GRIN2B: variants seen among roughly 807,000 people sequenced by gnomAD.
The protein encoded by GRIN2B is glutamate ionotropic receptor NMDA type subunit 2B.
A neutral mutation model predicts 114.5 loss-of-function variants in GRIN2B; 5 were observed. The ratio of observed to expected loss-of-function variants is 0.04; its 90% CI spans 0.02 to 0.09. GRIN2B has a LOEUF of 0.09. Among genes scored for constraint, GRIN2B ranks in the 10% least tolerant of loss-of-function variants. The pLI is 1.00. For missense variants in GRIN2B, 1,108 were observed against 1,943.5 expected (o/e 0.57, Z 8.08); for synonymous variants, 787 against 745.1 (o/e 1.06, Z -0.92).
chr12:13,710,178 T>C (rs1191736896), intron 4 of GRIN2B, among the ~76,000 whole-genome samples: 1 of 151,990 alleles, frequency 6.6e-6, no homozygotes, highest in Non-Finnish European at 1.5e-5. Flanking sequence ...CAGTAAGATA[T>C]ATTTTATGAC....
At chr12:13,597,593 A>T (rs1420341660) in intron 10 of GRIN2B, among the ~76,000 whole-genome samples, 2 of 152,212 alleles carry the variant, frequency 1.3e-5, no homozygotes, top group African/African-American at 2.4e-5. Flanking sequence ...AGCCAATAGG[A>T]ACCTCAAATG....
At chr12:13,768,751 G>T (rs1863848382) in intron 3 of GRIN2B, among the ~76,000 whole-genome samples, 1 of 152,172 alleles carries the variant, frequency 6.6e-6, no homozygotes, top group African/African-American at 2.4e-5. Flanking sequence ...AAAATAAGCA[G>T]GTGGCCGGCA....
intron 3 of GRIN2B, among the ~76,000 whole-genome samples, chr12:13,818,590 T>C (rs148136358): frequency 6.6e-6 from 1 of 152,368 alleles, no homozygotes; most frequent in African/African-American, 2.4e-5. Context: ...AATCTATTTA[T>C]TATACCTGTT....
At chr12:13,716,760 T>C (rs964114497) in intron 4 of GRIN2B, among the ~76,000 whole-genome samples, 3 of 151,972 alleles carry the variant, frequency 2.0e-5, no homozygotes, top group Non-Finnish European at 4.4e-5. Flanking sequence ...CATTTCGCAC[T>C]GCCAAATGTT....
chr12:13,763,134 T>C (rs954756002), intron 3 of GRIN2B, among the ~76,000 whole-genome samples: 61 of 151,652 alleles, frequency 4.0e-4, no homozygotes, highest in African/African-American at 1.3e-3. Flanking sequence ...AAAAAAAAAA[T>C]CTTCCAACAA....
intron 2 of GRIN2B, among the ~76,000 whole-genome samples, chr12:13,916,217 TAAC>T (rs1345999390): frequency 6.6e-6 from 1 of 152,188 alleles, no homozygotes; most frequent in Non-Finnish European, 1.5e-5. Flanking sequence ...ATACCTTACT[TAAC>T]AATATTTTTT....
intron 3 of GRIN2B, among the ~76,000 whole-genome samples, chr12:13,784,101 G>A (rs1864175178): frequency 6.6e-6 from 1 of 151,768 alleles, no homozygotes; most frequent in Non-Finnish European, 1.5e-5. Flanking sequence ...GCAGGCACCT[G>A]TAGTCCCAGC....
chr12:13,875,310 C>G (rs1337566663), intron 2 of GRIN2B, among the ~76,000 whole-genome samples: 1 of 152,152 alleles, frequency 6.6e-6, no homozygotes, highest in South Asian at 2.1e-4. Context: ...GGGTGGATCA[C>G]GAGGTCAAGA....
At chr12:13,607,355 ATAT>A (rs1949282878) in intron 10 of GRIN2B, among the ~76,000 whole-genome samples, 1 of 42,130 alleles carries the variant, frequency 2.4e-5, no homozygotes, top group Admixed American at 4.4e-4. Flanking sequence ...TATATAAAAT[ATAT>A]AATATATATT....
intron 3 of GRIN2B, among the ~76,000 whole-genome samples, chr12:13,810,539 AAAGGGC>A (rs1864709815): frequency 2.6e-5 from 4 of 152,138 alleles, no homozygotes; most frequent in Non-Finnish European, 5.9e-5. Context: ...TGGTCATTCT[AAAGGGC>A]TTTATTATTT....
intron 3 of GRIN2B, among the ~76,000 whole-genome samples, chr12:13,828,699 A>C (rs1348343367): frequency 1.3e-5 from 2 of 152,192 alleles, no homozygotes; most frequent in Non-Finnish European, 2.9e-5. Context: ...AATGTCTAAA[A>C]GTAGCCATTT....
chr12:13,739,119 G>A (rs1372374934), intron 4 of GRIN2B, among the ~76,000 whole-genome samples: 6 of 152,008 alleles, frequency 3.9e-5, no homozygotes, highest in African/African-American at 1.5e-4. Context: ...GGTGGCTCAC[G>A]CCTGTAATCC....
chr12:13,968,436 A>T (rs1867825020), intron 2 of GRIN2B, among the ~76,000 whole-genome samples: 1 of 152,206 alleles, frequency 6.6e-6, no homozygotes, highest in Non-Finnish European at 1.5e-5. Flanking sequence ...ACAGATGAGG[A>T]AGTGAGTTCA....
chr12:13,880,772 T>G (rs1866059751), intron 2 of GRIN2B, among the ~76,000 whole-genome samples: 1 of 152,204 alleles, frequency 6.6e-6, no homozygotes, highest in East Asian at 1.9e-4. Context: ...CTAAGTACAA[T>G]GACCCTGGGC....
chr12:13,732,027 T>C (rs1863094529), intron 4 of GRIN2B, among the ~76,000 whole-genome samples: 2 of 152,142 alleles, frequency 1.3e-5, no homozygotes, highest in South Asian at 4.1e-4. Context: ...AACTAGGCTG[T>C]TTCATAGAGA....
chr12:13,806,237 C>T (rs1324866932), intron 3 of GRIN2B, among the ~76,000 whole-genome samples: 1 of 152,036 alleles, frequency 6.6e-6, no homozygotes, highest in Non-Finnish European at 1.5e-5. Context: ...CTTTGAGATG[C>T]CCAAAAGTGG....
chr12:13,679,502 T>C (rs2136544447), intron 4 of GRIN2B, among the ~76,000 whole-genome samples: 1 of 152,296 alleles, frequency 6.6e-6, no homozygotes, highest in South Asian at 2.1e-4. Flanking sequence ...TCTAAGTTCA[T>C]TTTATCTACC....
intron 10 of GRIN2B, among the ~76,000 whole-genome samples, chr12:13,587,232 GGTC>G (rs1368699884): frequency 2.5e-4 from 38 of 152,026 alleles, no homozygotes; most frequent in African/African-American, 9.2e-4. Flanking sequence ...AACTTAGACT[GGTC>G]ATTCCCTGGA....
intron 3 of GRIN2B, among the ~76,000 whole-genome samples, chr12:13,829,252 T>C (rs1865106052): frequency 6.6e-6 from 1 of 152,208 alleles, no homozygotes; most frequent in African/African-American, 2.4e-5. Flanking sequence ...AAATAATTGT[T>C]TATTGATGTG....
Sources: allele counts gnomAD v4.1 joint callset (sites outside exome capture counted in the v4.1 genomes callset), GRCh38; gene constraint gnomAD v4.1.1; transcripts MANE v1.5; gene names NCBI Gene and HGNC (gene_info 2026-07-23, HGNC 2026-07-21).